SETD2: variants seen among roughly 807,000 people sequenced by gnomAD.
SETD2 encodes the protein histone-lysine N-methyltransferase SETD2.
Under a neutral mutation model 242.1 loss-of-function variants are expected in SETD2, and 31 were observed. That is an observed-to-expected ratio of 0.13 (90% CI 0.10 to 0.17). The LOEUF is 0.17. SETD2 is among the 10% of genes least tolerant of loss of function. The pLI is 1.00. For missense variants in SETD2, 2,481 were observed against 3,046.3 expected (o/e 0.81, Z 4.37); for synonymous variants, 1,006 against 1,066.5 (o/e 0.94, Z 1.11).
At chr3:47,018,732 G>A (rs112755100) in intron 19 of SETD2, among the ~76,000 whole-genome samples, 152 of 152,184 alleles carry the variant, frequency 1.0e-3, no homozygotes, top group African/African-American at 3.4e-3. Context: ...AATGGTTCCC[G>A]ATAACCCACA....
At chr3:47,074,571 T>C (rs1415518929) in intron 12 of SETD2, among the ~76,000 whole-genome samples, 1 of 152,178 alleles carries the variant, frequency 6.6e-6, no homozygotes, top group African/African-American at 2.4e-5. Context: ...TCACTGCCTC[T>C]ATTTAAACTT....
chr3:47,022,425 C>T (rs1323037682), intron 18 of SETD2, among the ~76,000 whole-genome samples: 1 of 151,742 alleles, frequency 6.6e-6, no homozygotes, highest in African/African-American at 2.4e-5. Context: ...GTTGCGCGAG[C>T]CTAGGAGGTT....
At chr3:47,136,797 T>C (rs941833590) in intron 1 of SETD2, among the ~76,000 whole-genome samples, 3 of 152,000 alleles carry the variant, frequency 2.0e-5, no homozygotes, top group African/African-American at 7.2e-5. Flanking sequence ...CTACCAAAAA[T>C]ACAAAAATTA....
rs1553690489 is a variant in SETD2 at position 47,084,275 on chromosome 3, A to G, written c.5505T>C (p.Pro1835=). Residue 1835 remains proline (P), a synonymous_variant, in exon 12 of 21, where the codon CCT becomes CCC. Transcript: ENST00000409792. ...QRWSQTKTAV[P]PLSEGDGYSS... is the part of the protein sequence containing the mutation. ...AATACCCATCTCCTTCACTCAACGG[A>G]GGGACAGCAGTCTTAGTCTGAGACC... is the stretch of plus-strand genomic sequence containing the variant. 1 of 1,614,040 alleles carries G rather than the reference A, an allele frequency of 6.2e-7. No individual in the cohort carries two copies. The highest frequency in any genetic ancestry group is 1.7e-5 in the Admixed American group (1 of 60,002).
intron 18 of SETD2, among the ~76,000 whole-genome samples, chr3:47,025,924 G>A (rs972854285): frequency 1.3e-5 from 2 of 152,152 alleles, no homozygotes; most frequent in African/African-American, 4.8e-5. Context: ...AACACCAAAA[G>A]CAATGGCAAC....
In SETD2 at chr3:47,111,654, C is replaced by T. The variant is rs138498326; in HGVS notation, c.4715+2222G>A. ...GAGGAGAAGAGAAATCTATGAGGTT[C>T]CTACTAGCCCCCTTTTTGTGTAACA... On this transcript the variant is annotated intron_variant, in intron 5 of 20. Coordinates refer to ENST00000409792, the MANE Select transcript of SETD2 (RefSeq NM_014159.7). 7.9e-5 allele frequency among the ~76,000 whole-genome samples: 12 copies of T among 152,070 alleles called. No homozygotes were observed. The East Asian group carries it at 2.3e-3, about 29-fold the overall frequency.
At chr3:47,048,338 G>A (rs1005396761) in intron 15 of SETD2, among the ~76,000 whole-genome samples, 3 of 152,094 alleles carry the variant, frequency 2.0e-5, no homozygotes, top group Non-Finnish European at 4.4e-5. Context: ...GCAGTGAACC[G>A]AGATGGCACC....
intron 1 of SETD2, among the ~76,000 whole-genome samples, chr3:47,148,707 A>T (rs542092739): frequency 6.6e-6 from 1 of 152,258 alleles, no homozygotes; most frequent in South Asian, 2.1e-4. Context: ...TAAAAACCCC[A>T]TTTTCCAGTA....
At chr3:47,061,659 A>C (rs1281751267) in intron 14 of SETD2, among the ~76,000 whole-genome samples, 1 of 152,204 alleles carries the variant, frequency 6.6e-6, no homozygotes, top group African/African-American at 2.4e-5. Flanking sequence ...ATTTTTTAAA[A>C]AGCAAATTTA....
chr3:47,051,699 T>C (rs4683322), intron 15 of SETD2, among the ~76,000 whole-genome samples: 99,060 of 151,306 alleles, frequency 0.65, 32,787 homozygotes, highest in African/African-American at 0.76. Flanking sequence ...TTTTATAAAA[T>C]AATAAAAAAG....
rs534185425 is a variant in SETD2 at position 47,152,113 on chromosome 3, T to C, written c.71+11741A>G. 1.1e-3 allele frequency among the ~76,000 whole-genome samples: 168 copies of C among 152,316 alleles called. 1 individual carries two copies. Among genetic ancestry groups the C allele is most frequent in the Non-Finnish European group, 2.1e-3 (141 of 68,036 alleles). On this transcript the variant is annotated intron_variant, in intron 1 of 20. Coordinates refer to ENST00000409792, the MANE Select transcript of SETD2 (RefSeq NM_014159.7). ...CTGAATAATTGTACAACAAAAGTTG[T>C]TTTGTTTTTGTTCCTCAATAGACAT...
intron 9 of SETD2, among the ~76,000 whole-genome samples, chr3:47,092,788 G>T (rs896651225): frequency 8.6e-5 from 13 of 151,928 alleles, no homozygotes; most frequent in Non-Finnish European, 1.9e-4. Flanking sequence ...TAATAAACAG[G>T]TGAGCAACAC....
intron 15 of SETD2, among the ~76,000 whole-genome samples, chr3:47,049,377 T>TTC (rs1402282606): frequency 7.2e-6 from 1 of 138,040 alleles, no homozygotes; most frequent in Non-Finnish European, 1.6e-5. Context: ...ACTTATTCTT[T>TTC]TTTTTTTTTT....
chr3:47,123,396 T>C lies in SETD2; in HGVS notation c.1240A>G (p.Arg414Gly), dbSNP rs567935202. 1.3e-6 allele frequency: 2 copies of C among 1,551,740 alleles called. No homozygotes were observed. Among genetic ancestry groups the C allele is most frequent in the South Asian group, 1.2e-5 (1 of 84,060 alleles). The change falls in exon 3 of 21, where the codon AGA becomes GGA. Residue 414 changes from arginine (R) to glycine (G), a missense_variant. Around this residue, in one of 17 missense-constraint regions of SETD2, gnomAD observed 1,300 missense variants for 1,259.2 expected, o/e 1.03. Transcript: ENST00000409792. ...GACCTGGAATAGGATAAATTAGTTC[T>C]AGAGCCTCTCTCAGACCTAGAGTGA... ...RSHSRSERGS[R>G]TNLSYSRSER...
intron 5 of SETD2, among the ~76,000 whole-genome samples, chr3:47,107,788 C>G (rs1232635000): frequency 6.6e-6 from 1 of 151,240 alleles, no homozygotes; most frequent in Non-Finnish European, 1.5e-5. Context: ...CTGAAAAACA[C>G]AGGAAGACCT....
intron 10 of SETD2, 83 bp from the exon 11 acceptor site, chr3:47,086,397 T>C: frequency 7.2e-7 from 1 of 1,391,634 alleles, no homozygotes; most frequent in Non-Finnish European, 1.0e-6. Flanking sequence ...AGAGTTCATG[T>C]ATACGTTACA....
rs201617976 is a variant in SETD2 at position 47,121,195 on chromosome 3, C to G, written c.3441G>C (p.Gln1147His). ...GATTATCTATTTGTTTTCTACTGGA[C>G]TGTGTAAAAGAAATTTCCGGATTCT... is the stretch of plus-strand genomic sequence containing the variant. ...TEKNPEISFT[Q>H]SSRKQIDNRL... is the part of the protein sequence containing the mutation. Residue 1147 changes from glutamine (Q) to histidine (H), a missense_variant, in exon 3 of 21, where the codon CAG (glutamine) becomes CAC (histidine). Transcript: ENST00000409792. The G allele has an allele frequency of 6.2e-7, 1 of 1,614,064 alleles. No individual in the cohort carries two copies. Among genetic ancestry groups the G allele is most frequent in the Non-Finnish European group, 8.5e-7 (1 of 1,179,956 alleles).
chr3:47,115,067 T>C (rs1488116379), intron 4 of SETD2, among the ~76,000 whole-genome samples: 1 of 152,104 alleles, frequency 6.6e-6, no homozygotes, highest in Non-Finnish European at 1.5e-5. Context: ...TCTCTAATGA[T>C]ACATAGGATA....
intron 13 of SETD2, among the ~76,000 whole-genome samples, chr3:47,065,060 A>G (rs978599412): frequency 4.6e-5 from 7 of 152,178 alleles, no homozygotes; most frequent in Non-Finnish European, 8.8e-5. Context: ...AGAAACGCTC[A>G]TAGGTATTTA....
Sources: gnomAD v4.1 joint callset for allele counts (sites outside exome capture counted in the v4.1 genomes callset) on GRCh38, gnomAD v4.1.1 for gene constraint, gnomAD v4.1.1 regional missense constraint, MANE v1.5 for transcripts, NCBI Gene and HGNC (gene_info 2026-07-23, HGNC 2026-07-21) for gene names.